Variants in GRXCR1 observed in about 807,000 individuals in gnomAD.
GRXCR1 encodes the protein glutaredoxin domain-containing cysteine-rich protein 1.
A neutral mutation model predicts 27.3 loss-of-function variants in GRXCR1; 27 were observed. The ratio of observed to expected loss-of-function variants is 0.99; its 90% CI spans 0.73 to 1.37. The LOEUF is 1.37. GRXCR1 is among the 40% of genes most tolerant of loss of function. GRXCR1 has a pLI of 0.00. For missense variants in GRXCR1, 379 were observed against 354.4 expected (o/e 1.07, Z -0.56); for synonymous variants, 122 against 131.1 (o/e 0.93, Z 0.47).
chr4:42,947,219 C>T (rs748762945), intron 1 of GRXCR1, among the ~76,000 whole-genome samples: 1 of 151,950 alleles, frequency 6.6e-6, no homozygotes, highest in Non-Finnish European at 1.5e-5. Context: ...ATGAGGTGGT[C>T]AGTGGACAAA....
intron 2 of GRXCR1, among the ~76,000 whole-genome samples, chr4:42,967,711 A>G (rs1228508672): frequency 6.6e-6 from 1 of 151,960 alleles, no homozygotes; most frequent in African/African-American, 2.4e-5. Context: ...CATTGTTGGG[A>G]TAATTTTTTA....
intron 1 of GRXCR1, 121 bp downstream of exon 1, chr4:42,893,771 C>T (rs895390468): frequency 4.4e-6 from 4 of 918,064 alleles, no homozygotes; most frequent in African/African-American, 1.6e-5. Context: ...TCATGAGACG[C>T]TCCTCCACCT....
chr4:43,026,321 A>C (rs1713257763), intron 3 of GRXCR1, among the ~76,000 whole-genome samples: 3 of 152,198 alleles, frequency 2.0e-5, no homozygotes, highest in Non-Finnish European at 2.9e-5. Context: ...CAGTATAACA[A>C]ATTGCTCTTT....
At chr4:42,943,529 A>G (rs1409419684) in intron 1 of GRXCR1, among the ~76,000 whole-genome samples, 1 of 152,068 alleles carries the variant, frequency 6.6e-6, no homozygotes, top group African/African-American at 2.4e-5. Context: ...CTGGACACTT[A>G]GTTTTAATAA....
intron 2 of GRXCR1, among the ~76,000 whole-genome samples, chr4:42,984,357 T>C (rs570160611): frequency 6.6e-6 from 1 of 152,368 alleles, no homozygotes; most frequent in East Asian, 1.9e-4. Context: ...ACAGTTATTT[T>C]GAATCTTCAT....
At position 42,967,756 on chromosome 4, in the gene GRXCR1, A is replaced by G. The variant is rs1748280618; in HGVS notation, c.627+4622A>G. ...ATATTCTTCAGCTTTTTGCTGAGAT[A>G]CAGTTAAGTTTCTTAGAAAGAGTTT... is the stretch of plus-strand genomic sequence containing the variant. On this transcript the variant is annotated intron_variant, in intron 2 of 3. Coordinates refer to ENST00000399770, the MANE Select transcript of GRXCR1 (RefSeq NM_001080476.3). 2.6e-5 allele frequency among the ~76,000 whole-genome samples: 4 copies of G among 152,124 alleles called. No individual in the cohort carries two copies. In the South Asian group the frequency reaches 8.3e-4, roughly 32 times the overall value.
At chr4:42,939,264 T>C (rs988748858) in intron 1 of GRXCR1, among the ~76,000 whole-genome samples, 2 of 152,108 alleles carry the variant, frequency 1.3e-5, no homozygotes. Flanking sequence ...TATTTGTAGC[T>C]ATTGTAAATG....
chr4:42,944,636 T>C (rs753910297), intron 1 of GRXCR1, among the ~76,000 whole-genome samples: 27 of 152,080 alleles, frequency 1.8e-4, no homozygotes, highest in Non-Finnish European at 3.4e-4. Context: ...GTACCAGAGA[T>C]AAGATTCAAA....
intron 1 of GRXCR1, among the ~76,000 whole-genome samples, chr4:42,940,642 C>T (rs1013123165): frequency 2.6e-5 from 4 of 152,008 alleles, no homozygotes; most frequent in Admixed American, 1.3e-4. Context: ...TATTAGTTGG[C>T]TTCTAGAAAA....
At chr4:42,969,711 C>A (rs769179055) in intron 2 of GRXCR1, among the ~76,000 whole-genome samples, 1 of 152,064 alleles carries the variant, frequency 6.6e-6, no homozygotes, top group Non-Finnish European at 1.5e-5. Context: ...ACAGGCATTA[C>A]AATTTGAGAT....
In GRXCR1 at chr4:42,990,173, C is replaced by CTTTTTTTTTTTTTT. The variant is rs745784596; in HGVS notation, c.627+27062_627+27075dup. On this transcript the variant is annotated intron_variant, in intron 2 of 3. Transcript: ENST00000399770. ...AACTTCTTGAATTGAATTATTAGTT[C>CTTTTTTTTTTTTTT]TTTTTTTTTTTTTTTTTTTTTTTTT... 6.1e-4 allele frequency among the ~76,000 whole-genome samples: 28 copies of CTTTTTTTTTTTTTT among 46,230 alleles called. 12 individuals carry two copies. Among genetic ancestry groups the CTTTTTTTTTTTTTT allele is most frequent in the Non-Finnish European group, 6.9e-4 (18 of 26,052 alleles). 30.3% of individuals were successfully genotyped at this position (46,230 alleles called of 152,430 possible).
In GRXCR1 at chr4:42,975,993, C is replaced by T. The variant is rs1451363560; in HGVS notation, c.627+12859C>T. Among the ~76,000 whole-genome samples, 3 of 152,238 alleles carry T rather than the reference C, an allele frequency of 2.0e-5. No individual in the cohort carries two copies. In the South Asian group the frequency reaches 6.2e-4, roughly 32 times the overall value. Reference sequence around the variant, plus strand: ...AGGAACAGCTTCACGTACAGTCTTTCCTTAATGTATATTCTGTCTTTATCA... The same window carrying T: ...AGGAACAGCTTCACGTACAGTCTTTTCTTAATGTATATTCTGTCTTTATCA... On this transcript the variant is annotated intron_variant, in intron 2 of 3. Transcript: ENST00000399770.
chr4:42,960,156 C>T (rs1434010554), intron 1 of GRXCR1, among the ~76,000 whole-genome samples: 1 of 151,938 alleles, frequency 6.6e-6, no homozygotes, highest in Non-Finnish European at 1.5e-5. Context: ...AACATGGCAG[C>T]AAGTTGGTCC....
rs115708283 is a variant in GRXCR1, at chr4:42,905,348, A to C, written c.384+11698A>C. Among the ~76,000 whole-genome samples, 633 of 152,310 alleles carry C rather than the reference A, an allele frequency of 4.2e-3. 5 individuals carry two copies. The highest frequency in any genetic ancestry group is 0.014 in the African/African-American group (597 of 41,576). On this transcript the variant is annotated intron_variant, in intron 1 of 3. Transcript: ENST00000399770. ...GCTTGCGCCTTCTGGGTAGAGACAGAATCAATCTCTTCTTTAGTAATTGCC... is the reference window on the plus strand; with the variant it reads ...GCTTGCGCCTTCTGGGTAGAGACAGCATCAATCTCTTCTTTAGTAATTGCC...
In GRXCR1 at chr4:42,893,328, C is replaced by T. The variant is rs777472087; in HGVS notation, c.62C>T (p.Ala21Val). 6.2e-6 allele frequency: 10 copies of T among 1,613,742 alleles called. No individual in the cohort carries two copies. The highest frequency in any genetic ancestry group is 1.3e-5 in the African/African-American group (1 of 75,008). The change falls in exon 1 of 4, where the codon GCG becomes GTG. Residue 21 changes from alanine (A) to valine (V), a missense_variant. Transcript: ENST00000399770. Reference protein sequence around the residue: ...DRPRKVRFRIASSHSGRVLKE... With the variant: ...DRPRKVRFRIVSSHSGRVLKE... ...CCACGGAAAGTCCGGTTTCGGATCG[C>T]GTCCTCTCACAGTGGGCGAGTTCTG...
At chr4:42,987,273 T>TA (rs376686161) in intron 2 of GRXCR1, among the ~76,000 whole-genome samples, 3 of 105,788 alleles carry the variant, frequency 2.8e-5, no homozygotes, top group Non-Finnish European at 5.8e-5. Context: ...TATATATATA[T>TA]ATATAGAGAG....
intron 2 of GRXCR1, among the ~76,000 whole-genome samples, chr4:42,989,523 C>T (rs62297783): frequency 0.2 from 30,285 of 152,032 alleles, 3,732 homozygotes; most frequent in Middle Eastern, 0.29. Context: ...CAAAATCTTC[C>T]ATATAATTTC....
intron 1 of GRXCR1, among the ~76,000 whole-genome samples, chr4:42,939,513 C>T (rs779145537): frequency 6.6e-6 from 1 of 151,968 alleles, no homozygotes; most frequent in Non-Finnish European, 1.5e-5. Flanking sequence ...TATCTGATTG[C>T]TTTAGCTAGG....
chr4:42,944,863 A>C (rs1747705465), intron 1 of GRXCR1, among the ~76,000 whole-genome samples: 2 of 152,154 alleles, frequency 1.3e-5, no homozygotes, highest in South Asian at 4.1e-4. Flanking sequence ...TTGGAGGACA[A>C]AAGACATAAT....
Sources: gnomAD v4.1 joint callset for allele counts (sites outside exome capture counted in the v4.1 genomes callset) on GRCh38, gnomAD v4.1.1 for gene constraint, MANE v1.5 for transcripts, NCBI Gene and HGNC (gene_info 2026-07-23, HGNC 2026-07-21) for gene names.